Variants in EYS observed in about 807,000 individuals in gnomAD.
EYS encodes EGF-like photoreceptor maintenance factor.
In EYS, 250 loss-of-function variants were observed where a neutral mutation model predicts 282.1. The observed-to-expected ratio is 0.89, with a 90% confidence interval of 0.80 to 0.98. The LOEUF is 0.98. Ranked by LOEUF, EYS falls within the 50% of genes least tolerant of loss-of-function variation. The pLI is 0.00. For missense variants in EYS, 4,016 were observed against 3,709.0 expected (o/e 1.08, Z -2.15); for synonymous variants, 1,355 against 1,282.9 (o/e 1.06, Z -1.20).
intron 33 of EYS, among the ~76,000 whole-genome samples, chr6:64,062,340 C>G (rs944911279): frequency 6.6e-6 from 1 of 152,154 alleles, no homozygotes; most frequent in Non-Finnish European, 1.5e-5. Flanking sequence ...TTTCCCTGCC[C>G]TCTGGCAGGA....
chr6:64,889,040 T>C (rs1305779124), intron 18 of EYS, among the ~76,000 whole-genome samples: 13 of 152,096 alleles, frequency 8.5e-5, no homozygotes, highest in African/African-American at 3.1e-4. Flanking sequence ...CAAAATCTAC[T>C]TTGTATTTTG....
intron 33 of EYS, among the ~76,000 whole-genome samples, chr6:64,002,113 T>TA: frequency 6.6e-6 from 1 of 152,110 alleles, no homozygotes; most frequent in African/African-American, 2.4e-5. Context: ...CCAGCCACGG[T>TA]GGAACAATGT....
chr6:64,294,956 C>T (rs1477908580), intron 30 of EYS, among the ~76,000 whole-genome samples: 1 of 152,064 alleles, frequency 6.6e-6, no homozygotes, highest in Non-Finnish European at 1.5e-5. Context: ...AAGCATGAGT[C>T]ATTTTTGATG....
chr6:64,322,779 G>A (rs1056813665), intron 29 of EYS, among the ~76,000 whole-genome samples: 2 of 152,170 alleles, frequency 1.3e-5, no homozygotes, highest in African/African-American at 4.8e-5. Context: ...TTATTCCATG[G>A]ATATTTGCAT....
chr6:64,351,928 G>T (rs992298880), intron 29 of EYS, among the ~76,000 whole-genome samples: 13 of 151,532 alleles, frequency 8.6e-5, no homozygotes, highest in Admixed American at 4.6e-4. Flanking sequence ...ATCAGGGAAC[G>T]AAATAATACA....
intron 33 of EYS, among the ~76,000 whole-genome samples, chr6:64,011,019 T>C (rs1039588701): frequency 1.3e-5 from 2 of 152,056 alleles, no homozygotes; most frequent in African/African-American, 4.8e-5. Context: ...TAAACCTATA[T>C]CTATATCAGA....
At chr6:63,842,458 GT>G (rs573832610) in intron 36 of EYS, among the ~76,000 whole-genome samples, 1 of 151,988 alleles carries the variant, frequency 6.6e-6, no homozygotes, top group East Asian at 1.9e-4. Context: ...GATGGGGCTT[GT>G]TTTTTTCTTG....
chr6:65,537,583 T>A (rs1768010035), intron 2 of EYS, among the ~76,000 whole-genome samples: 1 of 151,660 alleles, frequency 6.6e-6, no homozygotes, highest in Non-Finnish European at 1.5e-5. Flanking sequence ...AGGATAAACA[T>A]TAAATTATGA....
At chr6:63,829,682 A>G (rs1178770528) in intron 36 of EYS, among the ~76,000 whole-genome samples, 1 of 152,224 alleles carries the variant, frequency 6.6e-6, no homozygotes, top group Non-Finnish European at 1.5e-5. Context: ...TGCAGACTTA[A>G]ACGTCCCTGT....
At chr6:64,152,040 C>T (rs1774758715) in intron 31 of EYS, among the ~76,000 whole-genome samples, 1 of 152,046 alleles carries the variant, frequency 6.6e-6, no homozygotes, top group Non-Finnish European at 1.5e-5. Flanking sequence ...TTGTGCAGTT[C>T]ACAAGTTCAA....
At chr6:65,089,054 C>G (rs1443757101) in intron 12 of EYS, among the ~76,000 whole-genome samples, 2 of 152,122 alleles carry the variant, frequency 1.3e-5, no homozygotes, top group South Asian at 2.1e-4. Flanking sequence ...AATGGAAATG[C>G]CTAGATGTCC....
At chr6:64,758,711 C>G (rs1773058315) in intron 22 of EYS, among the ~76,000 whole-genome samples, 1 of 152,296 alleles carries the variant, frequency 6.6e-6, no homozygotes, top group Admixed American at 6.5e-5. Context: ...TTCATCAACA[C>G]CCAGCTAGGA....
chr6:63,850,259 T>C (rs1272914441), intron 36 of EYS, among the ~76,000 whole-genome samples: 1 of 152,162 alleles, frequency 6.6e-6, no homozygotes, highest in African/African-American at 2.4e-5. Context: ...CACTTCAGGA[T>C]ATTATCCAGG....
intron 35 of EYS, among the ~76,000 whole-genome samples, chr6:63,954,679 G>A (rs1253184539): frequency 2.0e-5 from 3 of 152,116 alleles, no homozygotes; most frequent in African/African-American, 4.8e-5. Context: ...TATTCCTCAC[G>A]GCAGTTGTTC....
chr6:63,901,252 C>A (rs1773651314), intron 35 of EYS, among the ~76,000 whole-genome samples: 1 of 151,910 alleles, frequency 6.6e-6, no homozygotes, highest in Admixed American at 6.6e-5. Context: ...AAAAAATGCA[C>A]CAGAGGGCTT....
intron 2 of EYS, among the ~76,000 whole-genome samples, chr6:65,599,805 G>C (rs564919271): frequency 6.6e-6 from 1 of 152,104 alleles, no homozygotes; most frequent in African/African-American, 2.4e-5. Flanking sequence ...AAGGGGTTGG[G>C]GGGATAAATG....
At chr6:65,056,953 C>T (rs1476971966) in intron 13 of EYS, among the ~76,000 whole-genome samples, 2 of 151,640 alleles carry the variant, frequency 1.3e-5, no homozygotes, top group African/African-American at 4.8e-5. Flanking sequence ...TTACATTTTT[C>T]ATAAGTAATT....
At chr6:64,816,716 C>A (rs933810382) in intron 21 of EYS, among the ~76,000 whole-genome samples, 6 of 152,022 alleles carry the variant, frequency 3.9e-5, no homozygotes, top group African/African-American at 1.4e-4. Context: ...AATAAACACA[C>A]AAGTATGGTA....
chr6:65,611,450 A>C (rs540204762), intron 2 of EYS, among the ~76,000 whole-genome samples: 5 of 152,084 alleles, frequency 3.3e-5, no homozygotes, highest in Admixed American at 6.6e-5. Flanking sequence ...TTTCTCATGA[A>C]ATCCTAATTT....
Sources: allele counts gnomAD v4.1 joint callset (sites outside exome capture counted in the v4.1 genomes callset), GRCh38; gene constraint gnomAD v4.1.1; transcripts MANE v1.5; gene names NCBI Gene and HGNC (gene_info 2026-07-23, HGNC 2026-07-21).